The following CNTN4 variants were observed in gnomAD, a reference collection of about 807,000 sequenced individuals.
CNTN4 encodes the protein contactin-4.
In CNTN4, 77 loss-of-function variants were observed where a neutral mutation model predicts 122.5. That is an observed-to-expected ratio of 0.63 (90% CI 0.52 to 0.76). The LOEUF is 0.76. CNTN4 is among the 30% of genes least tolerant of loss of function. The pLI is 0.00. For synonymous variants in CNTN4, 512 were observed against 447.0 expected, an observed-to-expected ratio of 1.15 and a Z score of -1.83; for missense variants, 1,256 against 1,259.1, an observed-to-expected ratio of 1.00 and a Z score of 0.04.
intron 3 of CNTN4, among the ~76,000 whole-genome samples, chr3:2,554,662 T>C (rs927766889): frequency 6.6e-6 from 1 of 152,208 alleles, no homozygotes; most frequent in African/African-American, 2.4e-5. Context: ...GCCTCTGCTA[T>C]AGTATCACAA....
At chr3:2,118,782 C>T (rs1018728061) in intron 2 of CNTN4, among the ~76,000 whole-genome samples, 1 of 152,092 alleles carries the variant, frequency 6.6e-6, no homozygotes, top group African/African-American at 2.4e-5. Flanking sequence ...GATTTATGTA[C>T]GGGTCCGAAT....
intron 4 of CNTN4, among the ~76,000 whole-genome samples, chr3:2,691,995 G>C (rs1357819439): frequency 6.6e-6 from 1 of 152,134 alleles, no homozygotes; most frequent in African/African-American, 2.4e-5. Context: ...GAGTATGCAG[G>C]TGTGATGAAT....
chr3:2,511,760 G>A (rs2076894863), intron 3 of CNTN4: 1 of 152,250 alleles, frequency 6.6e-6, no homozygotes, highest in Admixed American at 6.5e-5. Flanking sequence ...GACTTTGCAA[G>A]CTGCATTTGA....
intron 6 of CNTN4, among the ~76,000 whole-genome samples, chr3:2,757,871 TCA>T (rs1165770362): frequency 6.6e-6 from 1 of 152,210 alleles, no homozygotes; most frequent in Non-Finnish European, 1.5e-5. Context: ...CACTAAACTC[TCA>T]GTAGATGGCA....
chr3:3,033,788 C>A (rs1699378816), intron 16 of CNTN4, among the ~76,000 whole-genome samples: 1 of 152,308 alleles, frequency 6.6e-6, no homozygotes, highest in Middle Eastern at 3.4e-3. Context: ...TTTGTCTTTA[C>A]CTGCCAGCTG....
intron 6 of CNTN4, among the ~76,000 whole-genome samples, chr3:2,765,391 TAAG>T (rs993785600): frequency 1.3e-5 from 2 of 152,198 alleles, no homozygotes. Context: ...TTTTCCGGGT[TAAG>T]AAGACATTTC....
At chr3:2,686,841 C>A (rs1007474003) in intron 4 of CNTN4, among the ~76,000 whole-genome samples, 1 of 152,108 alleles carries the variant, frequency 6.6e-6, no homozygotes, top group Non-Finnish European at 1.5e-5. Flanking sequence ...TGACATCTGC[C>A]CACTCTGGGT....
At chr3:2,642,117 G>T (rs1251273351) in intron 4 of CNTN4, among the ~76,000 whole-genome samples, 1 of 152,216 alleles carries the variant, frequency 6.6e-6, no homozygotes, top group African/African-American at 2.4e-5. Context: ...GAGCAAGGAA[G>T]CCAGTCCAAA....
At chr3:3,043,872 A>G (rs1007979090) in intron 23 of CNTN4, among the ~76,000 whole-genome samples, 168 bp downstream of exon 23, 2 of 152,160 alleles carry the variant, frequency 1.3e-5, no homozygotes, top group Non-Finnish European at 2.9e-5. Flanking sequence ...TAAATAGTCT[A>G]TGGCAATTGG....
intron 3 of CNTN4, among the ~76,000 whole-genome samples, chr3:2,540,718 A>G (rs2077999289): frequency 6.6e-6 from 1 of 152,142 alleles, no homozygotes; most frequent in Admixed American, 6.6e-5. Flanking sequence ...GGGTCCAATT[A>G]CAAGGAAAAG....
At chr3:2,775,817 T>C (rs1211152387) in intron 6 of CNTN4, among the ~76,000 whole-genome samples, 1 of 152,210 alleles carries the variant, frequency 6.6e-6, no homozygotes, top group Non-Finnish European at 1.5e-5. Flanking sequence ...ACTAAGCTAT[T>C]GTCTGTCTTC....
intron 2 of CNTN4, among the ~76,000 whole-genome samples, chr3:2,232,957 T>G (rs1246994458): frequency 6.6e-6 from 1 of 152,140 alleles, no homozygotes; most frequent in East Asian, 1.9e-4. Context: ...GATTCTACTT[T>G]TATGAATAGT....
chr3:2,377,775 A>ATTT (rs113134614), intron 3 of CNTN4, among the ~76,000 whole-genome samples: 5 of 150,422 alleles, frequency 3.3e-5, no homozygotes, highest in African/African-American at 1.2e-4. Context: ...TTTTGTGATT[A>ATTT]TTTTTTTTTA....
At chr3:2,342,547 G>A (rs368159376) in intron 3 of CNTN4, among the ~76,000 whole-genome samples, 1 of 152,288 alleles carries the variant, frequency 6.6e-6, no homozygotes, top group African/African-American at 2.4e-5. Context: ...CCTGTCGTGG[G>A]AGGGAGCCGG....
rs1183842160 is a variant in CNTN4 at position 2,270,084 on chromosome 3, G to A, written c.-144-69094G>A. 2.3e-5 allele frequency among the ~76,000 whole-genome samples: 2 copies of A among 87,518 alleles called. 1 individual carries two copies. Among genetic ancestry groups the A allele is most frequent in the Non-Finnish European group, 5.2e-5 (2 of 38,556 alleles). The allele number at this position is 87,518 out of a possible 152,430, so 57.4% of individuals were successfully genotyped here. A position where few individuals can be genotyped will look rare whatever the true frequency, so the allele number is the denominator to read the frequency against. ...CCTGCCTCAGCCTCCCCAGTAGCTG[G>A]GACTACAGGCGCCCGCCACCGCGCC... On this transcript the variant is annotated intron_variant, in intron 2 of 24. Coordinates refer to ENST00000418658, the MANE Select transcript of CNTN4 (RefSeq NM_175607.3).
intron 10 of CNTN4, among the ~76,000 whole-genome samples, chr3:2,888,497 T>C (rs1277559278): frequency 5.3e-5 from 8 of 152,152 alleles, no homozygotes; most frequent in African/African-American, 1.9e-4. Flanking sequence ...TCCTCTGGTC[T>C]ACCTTTTGAC....
At chr3:2,425,741 A>C (rs1040513171) in intron 3 of CNTN4, among the ~76,000 whole-genome samples, 1 of 151,910 alleles carries the variant, frequency 6.6e-6, no homozygotes, top group African/African-American at 2.4e-5. Flanking sequence ...CTTTTATTTC[A>C]TTGAGCAGTG....
chr3:2,467,436 G>A (rs902427692), intron 3 of CNTN4, among the ~76,000 whole-genome samples: 2 of 152,142 alleles, frequency 1.3e-5, no homozygotes, highest in Non-Finnish European at 2.9e-5. Flanking sequence ...TGAGTTACAT[G>A]TGTGAAATGC....
chr3:2,359,399 A>G (rs1485674927), intron 3 of CNTN4, among the ~76,000 whole-genome samples: 2 of 152,292 alleles, frequency 1.3e-5, no homozygotes, highest in South Asian at 2.1e-4. Flanking sequence ...TATCTGTTAT[A>G]AACAATTGTA....
Sources: gnomAD v4.1 joint callset for allele counts (sites outside exome capture counted in the v4.1 genomes callset) on GRCh38, gnomAD v4.1.1 for gene constraint, MANE v1.5 for transcripts, NCBI Gene and HGNC (gene_info 2026-07-23, HGNC 2026-07-21) for gene names.